ENPP3: variants seen among roughly 807,000 people sequenced by gnomAD.
ENPP3 encodes the protein ectonucleotide pyrophosphatase/phosphodiesterase family member 3.
In ENPP3, 104 loss-of-function variants were observed where a neutral mutation model predicts 117.8. The ratio of observed to expected loss-of-function variants is 0.88; its 90% CI spans 0.75 to 1.04. The LOEUF is 1.04. Among genes scored for constraint, ENPP3 ranks in the 50% least tolerant of loss-of-function variants. The pLI, the probability that ENPP3 is intolerant of heterozygous loss-of-function variation, is 0.00. For missense variants in ENPP3, 1,026 were observed against 1,051.9 expected (o/e 0.98, Z 0.34); for synonymous variants, 380 against 349.9 (o/e 1.09, Z -0.96).
At chr6:131,698,102 GGT>G (rs748290127) in intron 15 of ENPP3, among the ~76,000 whole-genome samples, 12 of 151,698 alleles carry the variant, frequency 7.9e-5, no homozygotes, top group African/African-American at 2.7e-4. Context: ...TATGTGTGTG[GGT>G]GTGTGTGTGT....
In ENPP3 at chr6:131,671,245, C is replaced by T. The variant is rs747919599; in HGVS notation, c.563-3C>T. 1 of 1,562,552 alleles carries T rather than the reference C, an allele frequency of 6.4e-7. No individual in the cohort carries two copies. ...CCTAATTTCTCACCATATTCTGTTGCAGAAACATGTGGAATTCATTCAAAA... is the reference window on the plus strand; with the variant it reads ...CCTAATTTCTCACCATATTCTGTTGTAGAAACATGTGGAATTCATTCAAAA... On this transcript the variant is annotated splice_polypyrimidine_tract_variant and splice_region_variant and intron_variant, in intron 6 of 24. Coordinates refer to ENST00000357639, the MANE Select transcript of ENPP3 (RefSeq NM_005021.5).
chr6:131,639,267 T>TATA (rs1562421609), intron 1 of ENPP3, among the ~76,000 whole-genome samples: 34 of 78,726 alleles, frequency 4.3e-4, no homozygotes, highest in Middle Eastern at 5.3e-3. Flanking sequence ...ATATATATAT[T>TATA]TTTTTTTTTT....
At chr6:131,717,161 A>T (rs2114518045) in intron 15 of ENPP3, among the ~76,000 whole-genome samples, 1 of 151,968 alleles carries the variant, frequency 6.6e-6, no homozygotes, top group Non-Finnish European at 1.5e-5. Context: ...TCTACTGGGT[A>T]GAGTTGAGTG....
chr6:131,738,074 C>T lies in ENPP3; in HGVS notation c.2211C>T (p.Ala737=). The T allele has an allele frequency of 6.2e-7, 1 of 1,604,360 alleles. No homozygotes were observed. Among genetic ancestry groups the T allele is most frequent in the Admixed American group, 1.7e-5 (1 of 59,306 alleles). Reference sequence around the variant, plus strand: ...ACAGTGTTCTTCTTATAAAACATGCCACAGAAAGAAATGGAGTAAATGTGG... The same window carrying T: ...ACAGTGTTCTTCTTATAAAACATGCTACAGAAAGAAATGGAGTAAATGTGG... ...YFHSVLLIKH[A]TERNGVNVVS... The change falls in exon 23 of 25, where the codon GCC becomes GCT. Residue 737 remains alanine, a synonymous_variant. Transcript: ENST00000357639.
At chr6:131,677,159 C>A (rs1778887182) in intron 10 of ENPP3, among the ~76,000 whole-genome samples, 1 of 151,984 alleles carries the variant, frequency 6.6e-6, no homozygotes, top group East Asian at 1.9e-4. Context: ...TCACTTGAGC[C>A]CAGAAGTTTG....
At position 131,671,330 on chromosome 6, in the gene ENPP3, AAGTGCTTGACCC is replaced by A. The variant is rs1245244799; in HGVS notation, c.642+8_642+19del. 3.2e-6 allele frequency: 5 copies of A among 1,575,640 alleles called. No individual in the cohort carries two copies. The Admixed American group carries it at 6.7e-5, about 21-fold the overall frequency. The stretch of plus-strand genomic sequence containing the variant: ...CAAATCATTACACCATTGTCACGGT[AAGTGCTTGACCC>A]AGTGGTAAGACAGGCCAAAGACCAG... On this transcript the variant is annotated splice_donor_5th_base_variant and intron_variant, in intron 7 of 24. Coordinates refer to ENST00000357639, the MANE Select transcript of ENPP3 (RefSeq NM_005021.5).
At chr6:131,725,728 G>A (rs1411315363) in intron 19 of ENPP3, among the ~76,000 whole-genome samples, 2 of 152,174 alleles carry the variant, frequency 1.3e-5, no homozygotes, top group Non-Finnish European at 2.9e-5. Flanking sequence ...CCTCTGAGCT[G>A]TAAAATGTAA....
intron 6 of ENPP3, among the ~76,000 whole-genome samples, chr6:131,667,475 T>C (rs1352564462): frequency 1.3e-5 from 2 of 152,174 alleles, no homozygotes; most frequent in African/African-American, 2.4e-5. Flanking sequence ...TTGTTCTTTG[T>C]AGCACACAGG....
In ENPP3 at chr6:131,675,040, A is replaced by C. The variant is rs575660808; in HGVS notation, c.763-40A>C. The C allele has an allele frequency of 1.4e-5, 17 of 1,200,500 alleles. No individual in the cohort carries two copies. The Admixed American group carries it at 2.4e-4, about 17-fold the overall frequency. The allele number at this position is 1,200,500 out of a possible 1,614,324, so 74.4% of individuals were successfully genotyped here. A position where few individuals can be genotyped will look rare whatever the true frequency, so the allele number is the denominator to read the frequency against. On this transcript the variant is annotated intron_variant, in intron 8 of 24. Coordinates refer to ENST00000357639, the MANE Select transcript of ENPP3 (RefSeq NM_005021.5). ...AGTAAGGTACACCATTTCTACCCAA[A>C]GTAATTACTGACTTTCGCTTATCCT...
chr6:131,661,436 C>T (rs1226824988), intron 6 of ENPP3, among the ~76,000 whole-genome samples: 1 of 151,522 alleles, frequency 6.6e-6, no homozygotes. Context: ...CGTGCTATCT[C>T]ATTTTTAAAT....
Position 131,746,905 on chromosome 6 carries a change from T to C in ENPP3, c.2577T>C (p.Ser859=), listed in dbSNP as rs757377415. The change falls in exon 25 of 25, where the codon TCT becomes TCC. Residue 859 remains serine (S), a synonymous_variant. Coordinates refer to ENST00000357639, the MANE Select transcript of ENPP3 (RefSeq NM_005021.5). ...DFYQDKVQPV[S]EILQLKTYLP... ...ATCAGGATAAAGTGCAGCCTGTCTC[T>C]GAAATTTTGCAACTAAAGACATATT... is the stretch of plus-strand genomic sequence containing the variant. The C allele has an allele frequency of 6.2e-7, 1 of 1,611,368 alleles. No homozygotes were observed. The highest frequency in any genetic ancestry group is 2.2e-5 in the East Asian group (1 of 44,768).
rs1017218660 is a variant in ENPP3, at chr6:131,658,321, A to G, written c.465-2A>G. On this transcript the variant is annotated splice_acceptor_variant, in intron 5 of 24. Transcript: ENST00000357639. LOFTEE classifies it high-confidence loss of function. ...TGGACAAATTTTGTTTTCCATTTTC[A>G]GGTTTGACCTGCCACCAGTTATCTT... 23 of 1,581,280 alleles carry G rather than the reference A, an allele frequency of 1.5e-5. No individual in the cohort carries two copies. The highest frequency in any genetic ancestry group is 1.7e-4 in the Middle Eastern group (1 of 6,018).
At chr6:131,717,431 G>A (rs1227076703) in intron 15 of ENPP3, among the ~76,000 whole-genome samples, 4 of 144,204 alleles carry the variant, frequency 2.8e-5, no homozygotes, top group Admixed American at 2.1e-4. Context: ...GAGAGGTGAG[G>A]GTGGGGAAGA....
At chr6:131,737,711 C>T (rs528635171) in intron 22 of ENPP3, among the ~76,000 whole-genome samples, 1 of 152,140 alleles carries the variant, frequency 6.6e-6, no homozygotes, top group South Asian at 2.1e-4. Context: ...ATGTTTATCC[C>T]CAGAGTAATA....
At chr6:131,637,610 G>A in intron 1 of ENPP3, 148 bp downstream of exon 1, 1 of 428,594 alleles carries the variant, frequency 2.3e-6, no homozygotes, top group Non-Finnish European at 4.2e-6. Context: ...AAACTCTAAT[G>A]CAAATTAATA....
chr6:131,641,799 G>GTTTTTTTTTTTTTT lies in ENPP3; in HGVS notation c.154+280_154+293dup, dbSNP rs540011427. 2.8e-4 allele frequency among the ~76,000 whole-genome samples: 18 copies of GTTTTTTTTTTTTTT among 64,062 alleles called. 1 individual carries two copies. The highest frequency in any genetic ancestry group is 7.5e-4 in the East Asian group (1 of 1,330). The allele number at this position is 64,062 out of a possible 152,430, so 42.0% of individuals were successfully genotyped here. A position where few individuals can be genotyped will look rare whatever the true frequency, so the allele number is the denominator to read the frequency against. ...TTTTCTCTTACCTTTCTCCACCCTG[G>GTTTTTTTTTTTTTT]TTTTTTTTTTTTTTTTTTTTTTTTG... On this transcript the variant is annotated intron_variant, in intron 2 of 24. Coordinates refer to ENST00000357639, the MANE Select transcript of ENPP3 (RefSeq NM_005021.5).
chr6:131,643,821 G>A (rs762918611), intron 2 of ENPP3, among the ~76,000 whole-genome samples: 13 of 152,004 alleles, frequency 8.6e-5, no homozygotes, highest in Non-Finnish European at 1.5e-4. Flanking sequence ...TTATATTTTA[G>A]CATGCAAGAC....
intron 15 of ENPP3, among the ~76,000 whole-genome samples, chr6:131,716,634 T>C (rs1049304892): frequency 6.7e-6 from 1 of 149,310 alleles, no homozygotes; most frequent in African/African-American, 2.5e-5. Flanking sequence ...GGAAACCAAA[T>C]ATCTATGCAG....
At chr6:131,702,475 G>T (rs1181793480) in intron 15 of ENPP3, among the ~76,000 whole-genome samples, 1 of 148,428 alleles carries the variant, frequency 6.7e-6, no homozygotes, top group Non-Finnish European at 1.5e-5. Flanking sequence ...TTATGTGAAT[G>T]ACTGAATAGA....
Sources: gnomAD v4.1 joint callset for allele counts (sites outside exome capture counted in the v4.1 genomes callset) on GRCh38, gnomAD v4.1.1 for gene constraint, MANE v1.5 for transcripts, NCBI Gene and HGNC (gene_info 2026-07-23, HGNC 2026-07-21) for gene names.